Variants in NOTCH2NLR observed in about 807,000 individuals in gnomAD.
NOTCH2NLR encodes notch 2 N-terminal like R.
Under a neutral mutation model 35.6 loss-of-function variants are expected in NOTCH2NLR, and 33 were observed. That is an observed-to-expected ratio of 0.93 (90% CI 0.70 to 1.24). The LOEUF (loss-of-function observed/expected upper bound fraction) is 1.24, where lower values mean the gene tolerates loss of function less well. NOTCH2NLR is among the 50% of genes most tolerant of loss of function. The pLI is 0.00. For missense variants in NOTCH2NLR, 276 were observed against 362.2 expected (o/e 0.76, Z 1.93); for synonymous variants, 103 against 141.0 (o/e 0.73, Z 1.91).
intron 2 of NOTCH2NLR, among the ~76,000 whole-genome samples, chr1:120,764,960 C>T (rs1432150474): frequency 2.3e-5 from 2 of 85,506 alleles, no homozygotes; most frequent in Non-Finnish European, 4.3e-5. Flanking sequence ...TCTGTTCTGA[C>T]ACCAGGATTT....
rs1420162159 is a variant in NOTCH2NLR, at chr1:120,770,360, G to A, written c.155+6651G>A. On this transcript the variant is annotated intron_variant, in intron 2 of 4. Transcript: ENST00000624419. ...AATTTTTTGTATTTTTAGTAGAGAC[G>A]GGGTTTCACTGTGTTAGCCAGGATG... 2.7e-5 allele frequency among the ~76,000 whole-genome samples: 3 copies of A among 109,982 alleles called. 1 individual carries two copies. The highest frequency in any genetic ancestry group is 3.4e-5 in the Non-Finnish European group (2 of 58,806). The allele number at this position is 109,982 out of a possible 152,430, so 72.2% of individuals were successfully genotyped here.
chr1:120,758,898 C>G (rs1296340521), intron 1 of NOTCH2NLR, among the ~76,000 whole-genome samples: 2 of 88,292 alleles, frequency 2.3e-5, no homozygotes, highest in Non-Finnish European at 4.0e-5. Context: ...TTCCTAGACA[C>G]TATCTGAGGT....
At chr1:120,790,292 G>C (rs1651470305) in intron 3 of NOTCH2NLR, among the ~76,000 whole-genome samples, 1 of 111,002 alleles carries the variant, frequency 9.0e-6, no homozygotes, top group Non-Finnish European at 1.7e-5. Flanking sequence ...GGGATTACAG[G>C]TGTGAGCCAC....
intron 2 of NOTCH2NLR, among the ~76,000 whole-genome samples, chr1:120,764,494 T>C (rs1385026679): frequency 4.2e-5 from 4 of 95,140 alleles, no homozygotes; most frequent in Non-Finnish European, 7.9e-5. Context: ...TGCATGTGTG[T>C]AGATTGAGGG....
rs1284282548 is a variant in NOTCH2NLR at position 120,770,269 on chromosome 1, A to C, written c.155+6560A>C. ...ACTGCAAGCTCCGCCTCCCGGGTTC[A>C]TGCCATTCTCCTGCCTCAGCCTCTC... On this transcript the variant is annotated intron_variant, in intron 2 of 4. Transcript: ENST00000624419. Among the ~76,000 whole-genome samples, 5 of 105,850 alleles carry C rather than the reference A, an allele frequency of 4.7e-5. 1 individual carries two copies. The highest frequency in any genetic ancestry group is 7.0e-5 in the Non-Finnish European group (4 of 56,896). The allele number at this position is 105,850 out of a possible 152,430, so 69.4% of individuals were successfully genotyped here. A position where few individuals can be genotyped will look rare whatever the true frequency, so the allele number is the denominator to read the frequency against.
chr1:120,765,908 C>A (rs1651185934), intron 2 of NOTCH2NLR, among the ~76,000 whole-genome samples: 1 of 98,886 alleles, frequency 1.0e-5, no homozygotes, highest in African/African-American at 6.6e-5. Flanking sequence ...CATGTTCTCA[C>A]TCATAAGTGG....
rs1186284641 is a variant in NOTCH2NLR, at chr1:120,785,252, G to A, written c.415+19G>A. 6.9e-5 allele frequency: 99 copies of A among 1,443,586 alleles called. 23 individuals carry two copies. Among genetic ancestry groups the A allele is most frequent in the Non-Finnish European group, 8.9e-5 (96 of 1,080,402 alleles). The allele number at this position is 1,443,586 out of a possible 1,614,324, so 89.4% of individuals were successfully genotyped here. ...TTTACAGGTAACTAATGAGACCAAAGCCAGTGCTTCCCTACCTTCAGCAGA... is the reference window on the plus strand; with the variant it reads ...TTTACAGGTAACTAATGAGACCAAAACCAGTGCTTCCCTACCTTCAGCAGA... On this transcript the variant is annotated intron_variant, in intron 3 of 4. Transcript: ENST00000624419.
exon 2 of NOTCH2NLR, chr1:120,763,695 C>G: frequency 7.2e-7 from 1 of 1,379,436 alleles, no homozygotes; most frequent in Non-Finnish European, 9.8e-7. Context: ...ACCACAGTGG[C>G]ACAGGATACT....
At chr1:120,766,054 G>A (rs1156237849) in intron 2 of NOTCH2NLR, among the ~76,000 whole-genome samples, 1 of 37,072 alleles carries the variant, frequency 2.7e-5, no homozygotes, top group Non-Finnish European at 4.9e-5. Context: ...CCTGGATGAC[G>A]GGTTGATAGG....
At chr1:120,730,629 G>A (rs1183057249) in intron 1 of NOTCH2NLR, among the ~76,000 whole-genome samples, 3 of 114,376 alleles carry the variant, frequency 2.6e-5, no homozygotes, top group Non-Finnish European at 5.0e-5. Flanking sequence ...CTGTGTGGCA[G>A]AACATACATT....
Position 120,768,656 on chromosome 1 carries a change from G to C in NOTCH2NLR, c.155+4947G>C, listed in dbSNP as rs1319839452. Reference sequence around the variant, plus strand: ...ATGTGGGTTTCATATAGTTTGCTTCGCTTTTTCTGAGGCTTATATCCCTTC... The same window carrying C: ...ATGTGGGTTTCATATAGTTTGCTTCCCTTTTTCTGAGGCTTATATCCCTTC... On this transcript the variant is annotated intron_variant, in intron 2 of 4. Coordinates refer to ENST00000624419, the Ensembl canonical transcript of NOTCH2NLR. 8.0e-5 allele frequency among the ~76,000 whole-genome samples: 8 copies of C among 100,436 alleles called. 3 individuals are homozygous for C. The highest frequency in any genetic ancestry group is 2.0e-4 in the African/African-American group (3 of 15,306). The allele number at this position is 100,436 out of a possible 152,430, so 65.9% of individuals were successfully genotyped here. A position where few individuals can be genotyped will look rare whatever the true frequency, so the allele number is the denominator to read the frequency against.
chr1:120,727,506 AG>A (rs2101340112), intron 1 of NOTCH2NLR, among the ~76,000 whole-genome samples: 1 of 108,152 alleles, frequency 9.2e-6, no homozygotes, highest in Admixed American at 9.0e-5. Context: ...TCATATATTT[AG>A]ATGATATAAT....
chr1:120,781,595 G>A (rs1281314491), intron 2 of NOTCH2NLR, among the ~76,000 whole-genome samples: 4 of 42,332 alleles, frequency 9.4e-5, no homozygotes, highest in African/African-American at 3.5e-4. Context: ...AGGGAGTCTC[G>A]CTCTGTCGCC....
At position 120,728,879 on chromosome 1, in the gene NOTCH2NLR, G is replaced by A. The variant is rs1336687696; in HGVS notation, c.73+4629G>A. ...CTGACAAAAACTAAAGGTGAAATAT[G>A]ATGAATAAATACTTGAGAGAATCAC... On this transcript the variant is annotated intron_variant, in intron 1 of 4. Transcript: ENST00000624419. Among the ~76,000 whole-genome samples the A allele has an allele frequency of 4.6e-5, 5 of 108,636 alleles. 2 individuals are homozygous for A. The highest frequency in any genetic ancestry group is 8.6e-5 in the Non-Finnish European group (5 of 58,380). 71.3% of individuals were successfully genotyped at this position (108,636 alleles called of 152,430 possible). A position where few individuals can be genotyped will look rare whatever the true frequency, so the allele number is the denominator to read the frequency against.
rs1425058618 is a variant in NOTCH2NLR at position 120,781,812 on chromosome 1, C to T, written c.156-3162C>T. ...TGACCTGGTGATCTGCCTGCCTCGG[C>T]CTCCCAAAGTGCTGAGATTACTGGT... On this transcript the variant is annotated intron_variant, in intron 2 of 4. Coordinates refer to ENST00000624419, the Ensembl canonical transcript of NOTCH2NLR. 2.6e-5 allele frequency among the ~76,000 whole-genome samples: 3 copies of T among 117,352 alleles called. 1 individual carries two copies. Among genetic ancestry groups the T allele is most frequent in the Non-Finnish European group, 1.7e-5 (1 of 60,520 alleles). 77.0% of individuals were successfully genotyped at this position (117,352 alleles called of 152,430 possible).
Position 120,784,731 on chromosome 1 carries a change from T to A in NOTCH2NLR, c.156-243T>A, listed in dbSNP as rs1473833250. On this transcript the variant is annotated intron_variant, in intron 2 of 4. Transcript: ENST00000624419. ...TAGTAATTTTGTTTTCGTCTTCAGC[T>A]ATTAGAATGTAAACTCCAAGAGTGT... Among the ~76,000 whole-genome samples, 122 of 118,482 alleles carry A rather than the reference T, an allele frequency of 1.0e-3. 29 individuals are homozygous for A. The highest frequency in any genetic ancestry group is 9.8e-3 in the Admixed American group (122 of 12,400). 77.7% of individuals were successfully genotyped at this position (118,482 alleles called of 152,430 possible). A position where few individuals can be genotyped will look rare whatever the true frequency, so the allele number is the denominator to read the frequency against.
intron 3 of NOTCH2NLR, among the ~76,000 whole-genome samples, chr1:120,792,490 A>T (rs1177191959): frequency 2.9e-5 from 3 of 104,922 alleles, no homozygotes; most frequent in Non-Finnish European, 1.8e-5. Flanking sequence ...TCACTAGGAA[A>T]ACAGAAGGGA....
chr1:120,727,780 G>C (rs1387972329), intron 1 of NOTCH2NLR, among the ~76,000 whole-genome samples: 19 of 117,164 alleles, frequency 1.6e-4, no homozygotes, highest in African/African-American at 7.5e-4. Context: ...TTCCTTCCAC[G>C]CTTTCCTGAT....
chr1:120,724,539 G>A lies in NOTCH2NLR; in HGVS notation c.73+289G>A, dbSNP rs1352539329. ...AGCAAGTCTCAGAAACTCCTTTTTC[G>A]TAGTGCCAGGGTGCAGGGAGGTGGG... is the stretch of plus-strand genomic sequence containing the variant. On this transcript the variant is annotated intron_variant, in intron 1 of 4. Coordinates refer to ENST00000624419, the Ensembl canonical transcript of NOTCH2NLR. Among the ~76,000 whole-genome samples, 6 of 117,292 alleles carry A rather than the reference G, an allele frequency of 5.1e-5. 1 individual carries two copies. The highest frequency in any genetic ancestry group is 2.4e-4 in the Admixed American group (3 of 12,570). 76.9% of individuals were successfully genotyped at this position (117,292 alleles called of 152,430 possible).
Sources: allele counts gnomAD v4.1 joint callset (sites outside exome capture counted in the v4.1 genomes callset), GRCh38; gene constraint gnomAD v4.1.1; transcripts MANE v1.5; gene names NCBI Gene and HGNC (gene_info 2026-07-23, HGNC 2026-07-21).